ANKS1B: variants seen among roughly 807,000 people sequenced by gnomAD.
The protein encoded by ANKS1B is ankyrin repeat and sterile alpha motif domain-containing protein 1B.
In ANKS1B, 36 loss-of-function variants were observed where a neutral mutation model predicts 148.3. That is an observed-to-expected ratio of 0.24 (90% CI 0.19 to 0.32). The LOEUF (loss-of-function observed/expected upper bound fraction) is 0.32, where lower values mean the gene tolerates loss of function less well. Among genes scored for constraint, ANKS1B ranks in the 10% least tolerant of loss-of-function variants. The pLI is 1.00. For missense variants in ANKS1B, 1,157 were observed against 1,542.6 expected (o/e 0.75, Z 4.19); for synonymous variants, 542 against 560.8 (o/e 0.97, Z 0.47).
chr12:99,772,657 A>T (rs11611980), intron 8 of ANKS1B: 63,832 of 264,342 alleles, frequency 0.24, 8,549 homozygotes, highest in African/African-American at 0.32. Flanking sequence ...ACACAACAAC[A>T]ACAACAACAA....
At chr12:99,207,755 T>C (rs1281967420) in intron 14 of ANKS1B, among the ~76,000 whole-genome samples, 1 of 152,030 alleles carries the variant, frequency 6.6e-6, no homozygotes, top group Non-Finnish European at 1.5e-5. Context: ...AATAAAACTA[T>C]GAGGTATGAA....
chr12:99,753,066 G>C (rs1458004569), intron 8 of ANKS1B, among the ~76,000 whole-genome samples: 2 of 151,962 alleles, frequency 1.3e-5, no homozygotes, highest in Admixed American at 1.3e-4. Context: ...TTGAAGTTCA[G>C]GTGTTTTTTA....
intron 12 of ANKS1B, among the ~76,000 whole-genome samples, chr12:99,327,326 T>TATAATTATATATTATAATTAC (rs1330390659): frequency 3.8e-5 from 4 of 106,188 alleles, no homozygotes; most frequent in African/African-American, 2.4e-4. Context: ...AATTACATAT[T>TATAATTATATATTATAATTAC]ATATATAATT....
At chr12:99,756,490 ATGGTCACAC>A (rs1431307861) in intron 8 of ANKS1B, among the ~76,000 whole-genome samples, 2 of 152,120 alleles carry the variant, frequency 1.3e-5, no homozygotes, top group African/African-American at 4.8e-5. Context: ...TATCGTGAAA[ATGGTCACAC>A]TGCCCAAATC....
chr12:98,745,482 G>T lies in ANKS1B; in HGVS notation c.*257C>A. 2.6e-6 allele frequency: 3 copies of T among 1,159,514 alleles called. No homozygotes were observed. The highest frequency in any genetic ancestry group is 3.2e-6 in the Non-Finnish European group (3 of 939,922). 71.8% of individuals were successfully genotyped at this position (1,159,514 alleles called of 1,614,324 possible). On this transcript the variant is annotated 3_prime_UTR_variant, in exon 27 of 27. Transcript: ENST00000683438. ...CAGAAATACCTTGGGAGGTGGTGGGGAGGGGAGTCGGGAGCATCAGGGAAA... is the reference window on the plus strand; with the variant it reads ...CAGAAATACCTTGGGAGGTGGTGGGTAGGGGAGTCGGGAGCATCAGGGAAA...
At chr12:98,790,511 G>A (rs532224188) in intron 22 of ANKS1B, among the ~76,000 whole-genome samples, 13 of 152,230 alleles carry the variant, frequency 8.5e-5, no homozygotes, top group African/African-American at 2.4e-4. Flanking sequence ...TGGTAGAGAT[G>A]GGGGTCTTAT....
At chr12:99,127,100 C>T (rs1287626997) in intron 15 of ANKS1B, among the ~76,000 whole-genome samples, 1 of 152,144 alleles carries the variant, frequency 6.6e-6, no homozygotes, top group African/African-American at 2.4e-5. Context: ...GAAAAAATAT[C>T]AATCCTCCAA....
chr12:99,569,920 C>T (rs567921414), intron 9 of ANKS1B, among the ~76,000 whole-genome samples: 2 of 152,224 alleles, frequency 1.3e-5, no homozygotes, highest in African/African-American at 2.4e-5. Flanking sequence ...ATCCTAGTCA[C>T]GGTTGGGAGT....
chr12:99,628,298 G>A (rs1284999807), intron 9 of ANKS1B, among the ~76,000 whole-genome samples: 2 of 152,078 alleles, frequency 1.3e-5, no homozygotes, highest in Non-Finnish European at 2.9e-5. Flanking sequence ...TCCTGACCAC[G>A]TCTCATTTAG....
At chr12:99,054,140 C>T (rs1430719098) in intron 16 of ANKS1B, among the ~76,000 whole-genome samples, 2 of 152,148 alleles carry the variant, frequency 1.3e-5, no homozygotes, top group Non-Finnish European at 2.9e-5. Context: ...AAGTGACTCA[C>T]TTCTAAAACT....
intron 14 of ANKS1B, among the ~76,000 whole-genome samples, chr12:99,206,099 G>C (rs1674029464): frequency 6.6e-6 from 1 of 152,140 alleles, no homozygotes; most frequent in Non-Finnish European, 1.5e-5. Context: ...AAATAGGGTA[G>C]CACCTATCAG....
At chr12:98,944,333 C>T (rs1350174374) in intron 17 of ANKS1B, among the ~76,000 whole-genome samples, 1 of 142,438 alleles carries the variant, frequency 7.0e-6, no homozygotes, top group Non-Finnish European at 1.5e-5. Context: ...CCTAGCATCT[C>T]TCTTGCCACA....
At chr12:99,222,279 G>T (rs2153938631) in intron 14 of ANKS1B, among the ~76,000 whole-genome samples, 1 of 152,256 alleles carries the variant, frequency 6.6e-6, no homozygotes, top group African/African-American at 2.4e-5. Context: ...AGGGAGATTT[G>T]CTTCACTAAA....
At position 99,611,076 on chromosome 12, in the gene ANKS1B, T is replaced by C. The variant is rs189755129; in HGVS notation, c.1272+43991A>G. On this transcript the variant is annotated intron_variant, in intron 9 of 26. Transcript: ENST00000683438. ...ATATCATGACATCTAGTCCACAAAG[T>C]CCAGCAGGAGAGACCTCTTCAATTT... 1.4e-4 allele frequency among the ~76,000 whole-genome samples: 21 copies of C among 152,192 alleles called. No individual in the cohort carries two copies. The East Asian group carries it at 3.7e-3, about 27-fold the overall frequency.
At chr12:99,692,183 CTG>C (rs144877458) in intron 8 of ANKS1B, among the ~76,000 whole-genome samples, 135 of 152,122 alleles carry the variant, frequency 8.9e-4, no homozygotes, top group Non-Finnish European at 1.6e-3. Flanking sequence ...ATTCTGGATG[CTG>C]TGAGTAAAAT....
At chr12:99,058,448 C>T (rs919260027) in intron 16 of ANKS1B, among the ~76,000 whole-genome samples, 1 of 151,846 alleles carries the variant, frequency 6.6e-6, no homozygotes, top group African/African-American at 2.4e-5. Flanking sequence ...AGGGTTTCAC[C>T]GTGTTGCCCA....
rs1319068043 is a variant in ANKS1B, at chr12:98,922,287, G to T, written c.2779-90151C>A. Among the ~76,000 whole-genome samples the T allele has an allele frequency of 2.0e-5, 3 of 151,534 alleles. No individual in the cohort carries two copies. In the East Asian group the frequency reaches 5.8e-4, roughly 29 times the overall value. On this transcript the variant is annotated intron_variant, in intron 17 of 26. Transcript: ENST00000683438. The stretch of plus-strand genomic sequence containing the variant: ...AACCTTTTATTCTTTCATTCCTCTA[G>T]TACTCTGAATATAAGAGAGTCTACA...
At chr12:99,033,792 A>G (rs1270180717) in intron 17 of ANKS1B, among the ~76,000 whole-genome samples, 1 of 152,226 alleles carries the variant, frequency 6.6e-6, no homozygotes, top group African/African-American at 2.4e-5. Flanking sequence ...GACTATCTTC[A>G]GATTACACCC....
intron 1 of ANKS1B, among the ~76,000 whole-genome samples, chr12:99,907,812 TAAAAAAAAAAAAAA>T (rs751468199): frequency 1.0e-5 from 1 of 100,156 alleles, no homozygotes; most frequent in East Asian, 3.4e-4. Flanking sequence ...GAGAAATTCT[TAAAAAAAAAAAAAA>T]AAAAAAAAAA....
Sources: allele counts gnomAD v4.1 joint callset (sites outside exome capture counted in the v4.1 genomes callset), GRCh38; gene constraint gnomAD v4.1.1; transcripts MANE v1.5; gene names NCBI Gene and HGNC (gene_info 2026-07-23, HGNC 2026-07-21).